RNF180: variants seen among roughly 807,000 people sequenced by gnomAD.
RNF180 encodes E3 ubiquitin-protein ligase RNF180.
Under a neutral mutation model 59.2 loss-of-function variants are expected in RNF180, and 38 were observed. The ratio of observed to expected loss-of-function variants is 0.64; its 90% CI spans 0.50 to 0.84. RNF180 has a LOEUF of 0.84. Among genes scored for constraint, RNF180 ranks in the 40% least tolerant of loss-of-function variants. The probability of loss-of-function intolerance (pLI) is 0.00; values close to 1 mark genes in which losing one functional copy is unlikely to be tolerated. For synonymous variants in RNF180, 262 were observed against 240.3 expected, an observed-to-expected ratio of 1.09 and a Z score of -0.84; for missense variants, 705 against 700.9, an observed-to-expected ratio of 1.01 and a Z score of -0.07.
At chr5:64,201,207 T>C (rs1751727290) in intron 2 of RNF180, among the ~76,000 whole-genome samples, 3 of 152,248 alleles carry the variant, frequency 2.0e-5, no homozygotes. Context: ...TGCAATGTTA[T>C]AGGCATAAGC....
At position 64,213,729 on chromosome 5, in the gene RNF180, G is replaced by C; in HGVS notation, c.403G>C (p.Val135Leu). ...GGCAGGCAGACTAATGAGACCATCA[G>C]TGAAATACTTGTCACATCCTAGAGT... ...TQAGRLMRPS[V>L]KYLSHPRVQS... Residue 135 changes from valine (V) to leucine (L), a missense_variant, in exon 4 of 8, where the codon GTG (valine) becomes CTG (leucine). Val to Leu is a conservative substitution (Grantham distance 32, BLOSUM62 1). Transcript: ENST00000389100. 6.2e-7 allele frequency: 1 copy of C among 1,614,198 alleles called. No homozygotes were observed. Among genetic ancestry groups the C allele is most frequent in the Non-Finnish European group, 8.5e-7 (1 of 1,180,020 alleles).
intron 1 of RNF180, among the ~76,000 whole-genome samples, chr5:64,189,628 T>G (rs1386444272): frequency 6.6e-6 from 1 of 152,118 alleles, no homozygotes; most frequent in African/African-American, 2.4e-5. Flanking sequence ...CCGCTTACAG[T>G]CAACTCAAAA....
intron 1 of RNF180, among the ~76,000 whole-genome samples, chr5:64,183,474 G>A (rs1170154930): frequency 3.3e-5 from 3 of 91,264 alleles, no homozygotes; most frequent in East Asian, 6.6e-4. Flanking sequence ...TTTTGACTCA[G>A]TCTCTCTCTA....
At chr5:64,308,272 C>A (rs1463737448) in intron 5 of RNF180, among the ~76,000 whole-genome samples, 1 of 151,712 alleles carries the variant, frequency 6.6e-6, no homozygotes, top group Non-Finnish European at 1.5e-5. Context: ...TCAGTACTCA[C>A]AGTGCTTTTG....
chr5:64,219,118 T>C (rs1481996555), intron 5 of RNF180, among the ~76,000 whole-genome samples: 2 of 152,184 alleles, frequency 1.3e-5, no homozygotes, highest in Non-Finnish European at 2.9e-5. Flanking sequence ...ATAATGTCAG[T>C]TGTATGCTCT....
intron 2 of RNF180, among the ~76,000 whole-genome samples, chr5:64,204,054 T>C (rs1392380493): frequency 6.6e-6 from 1 of 152,186 alleles, no homozygotes; most frequent in East Asian, 1.9e-4. Flanking sequence ...TTTATGAACT[T>C]TCTGTAAATG....
At chr5:64,342,630 C>CTCATA (rs576854901) in intron 7 of RNF180, among the ~76,000 whole-genome samples, 94 of 152,170 alleles carry the variant, frequency 6.2e-4, no homozygotes, top group African/African-American at 2.0e-3. Context: ...TAAGATATAT[C>CTCATA]TCATATTTTA....
intron 7 of RNF180, among the ~76,000 whole-genome samples, chr5:64,356,153 G>GT (rs1746015750): frequency 6.6e-6 from 1 of 151,666 alleles, no homozygotes; most frequent in African/African-American, 2.4e-5. Context: ...CTAACTACTT[G>GT]GGAGGCTGAC....
chr5:64,166,904 A>G (rs1260230255), intron 1 of RNF180, among the ~76,000 whole-genome samples: 4 of 152,212 alleles, frequency 2.6e-5, no homozygotes, highest in Admixed American at 6.5e-5. Flanking sequence ...TCTGATGCTC[A>G]TTGTATTTTT....
At chr5:64,345,685 T>C (rs906538560) in intron 7 of RNF180, among the ~76,000 whole-genome samples, 1 of 152,164 alleles carries the variant, frequency 6.6e-6, no homozygotes, top group Non-Finnish European at 1.5e-5. Flanking sequence ...GCACCTGTCA[T>C]GACAGATGTA....
intron 7 of RNF180, among the ~76,000 whole-genome samples, chr5:64,353,781 A>G (rs140686343): frequency 3.4e-4 from 51 of 151,962 alleles, no homozygotes; most frequent in African/African-American, 1.2e-3. Context: ...ATCTTCGCTG[A>G]CCGCATAGAA....
intron 5 of RNF180, among the ~76,000 whole-genome samples, chr5:64,307,795 C>T (rs572957303): frequency 6.6e-6 from 1 of 151,694 alleles, no homozygotes; most frequent in East Asian, 1.9e-4. Flanking sequence ...ATGTGAAAAA[C>T]GGAATGGTTG....
chr5:64,277,407 G>C (rs188820927), intron 5 of RNF180, among the ~76,000 whole-genome samples: 3 of 152,186 alleles, frequency 2.0e-5, no homozygotes, highest in Admixed American at 2.0e-4. Context: ...ATGTTGGTAA[G>C]GGAAAAATAA....
In RNF180 at chr5:64,362,049, T is replaced by A. The variant is rs1039266334; in HGVS notation, c.1580-7566T>A. ...AAATTTAAAATTAATTTAATAAATT[T>A]ATTTTTAATTAAACTTAAATTTAAT... On this transcript the variant is annotated intron_variant, in intron 7 of 7. Coordinates refer to ENST00000389100, the MANE Select transcript of RNF180 (RefSeq NM_001113561.2). Among the ~76,000 whole-genome samples, 29 of 151,444 alleles carry A rather than the reference T, an allele frequency of 1.9e-4. 1 individual carries two copies. The highest frequency in any genetic ancestry group is 8.9e-5 in the Non-Finnish European group (6 of 67,728).
chr5:64,307,419 A>T (rs902399624), intron 5 of RNF180, among the ~76,000 whole-genome samples: 6 of 151,626 alleles, frequency 4.0e-5, no homozygotes, highest in African/African-American at 1.5e-4. Context: ...ATTAATTAAA[A>T]GACATGGTTG....
At chr5:64,177,563 A>ATATATATATG (rs1561167666) in intron 1 of RNF180, among the ~76,000 whole-genome samples, 2 of 135,390 alleles carry the variant, frequency 1.5e-5, no homozygotes, top group East Asian at 2.2e-4. Flanking sequence ...ATATATATAT[A>ATATATATATG]TATGTATTTA....
intron 5 of RNF180, among the ~76,000 whole-genome samples, chr5:64,244,927 C>A (rs867584200): frequency 3.3e-5 from 5 of 150,054 alleles, no homozygotes; most frequent in Non-Finnish European, 7.4e-5. Context: ...AGAGTGAGGG[C>A]AAATATTCAA....
In RNF180 at chr5:64,260,880, T is replaced by C. The variant is rs180895794; in HGVS notation, c.1227+43484T>C. Among the ~76,000 whole-genome samples the C allele has an allele frequency of 4.3e-3, 660 of 152,246 alleles. 5 individuals are homozygous for C. Among genetic ancestry groups the C allele is most frequent in the African/African-American group, 0.015 (627 of 41,562 alleles). On this transcript the variant is annotated intron_variant, in intron 5 of 7. Transcript: ENST00000389100. ...GCTTTCCACATAGTAAGTACTATTGTTTATATTGTTGTATGTTCTTTCCGT... is the reference window on the plus strand; with the variant it reads ...GCTTTCCACATAGTAAGTACTATTGCTTATATTGTTGTATGTTCTTTCCGT...
chr5:64,331,507 A>G (rs1490007287), intron 7 of RNF180, among the ~76,000 whole-genome samples: 3 of 152,070 alleles, frequency 2.0e-5, no homozygotes, highest in Non-Finnish European at 2.9e-5. Flanking sequence ...ACCTGACAAT[A>G]TGACCTGTGA....
Sources: allele counts gnomAD v4.1 joint callset (sites outside exome capture counted in the v4.1 genomes callset), GRCh38; gene constraint gnomAD v4.1.1; transcripts MANE v1.5; gene names NCBI Gene and HGNC (gene_info 2026-07-23, HGNC 2026-07-21).